Variants in DYNLT2B observed in about 807,000 individuals in gnomAD.
DYNLT2B encodes dynein light chain Tctex-type protein 2B.
Under a neutral mutation model 19.5 loss-of-function variants are expected in DYNLT2B, and 14 were observed. The observed-to-expected ratio is 0.72, with a 90% CI of 0.47 to 1.12. The LOEUF (loss-of-function observed/expected upper bound fraction) is 1.12, where lower values mean the gene tolerates loss of function less well. Among genes scored for constraint, DYNLT2B ranks in the 50% most tolerant of loss-of-function variants. DYNLT2B has a pLI of 0.00. For synonymous variants in DYNLT2B, 70 were observed against 59.7 expected, an observed-to-expected ratio of 1.17 and a Z score of -0.79; for missense variants, 133 against 174.7, an observed-to-expected ratio of 0.76 and a Z score of 1.35.
At chr3:196,315,929 T>G (rs1463529452) in intron 2 of DYNLT2B, among the ~76,000 whole-genome samples, 169 bp downstream of exon 2, 2 of 152,072 alleles carry the variant, frequency 1.3e-5, no homozygotes, top group Non-Finnish European at 2.9e-5. Flanking sequence ...GGTACTGAAC[T>G]CCAGAGCTCA....
intron 3 of DYNLT2B, among the ~76,000 whole-genome samples, chr3:196,299,067 A>C (rs887476727): frequency 2.0e-5 from 3 of 148,434 alleles, no homozygotes; most frequent in African/African-American, 7.4e-5. Flanking sequence ...ATGCACCACC[A>C]TGCCTGGCTA....
At chr3:196,316,908 T>TGTG (rs1417510774) in intron 1 of DYNLT2B, among the ~76,000 whole-genome samples, 8 of 44,568 alleles carry the variant, frequency 1.8e-4, no homozygotes, top group African/African-American at 3.2e-4. Flanking sequence ...TGTGTGTGTG[T>TGTG]TGTGTGGTGT....
rs1210723542 is a variant in DYNLT2B at position 196,291,298 on chromosome 3, T to C, written c.*29A>G. On this transcript the variant is annotated 3_prime_UTR_variant, in exon 5 of 5. Transcript: ENST00000325318. ...AAAAGTTCAGATTTCTTCATGGTCA[T>C]GTCTTTTACCAGCTTTTCAAAGATT... is the stretch of plus-strand genomic sequence containing the variant. The C allele has an allele frequency of 1.9e-6, 3 of 1,595,828 alleles. No individual in the cohort carries two copies. Among genetic ancestry groups the C allele is most frequent in the Middle Eastern group, 1.7e-4 (1 of 6,016 alleles).
intron 3 of DYNLT2B, among the ~76,000 whole-genome samples, chr3:196,302,069 T>A (rs531648629): frequency 6.6e-6 from 1 of 152,140 alleles, no homozygotes; most frequent in South Asian, 2.1e-4. Context: ...ATCACACCAC[T>A]GCACTCCAGC....
intron 1 of DYNLT2B, among the ~76,000 whole-genome samples, 185 bp from the exon 2 acceptor site, chr3:196,316,416 T>G (rs1726794677): frequency 6.6e-6 from 1 of 152,124 alleles, no homozygotes; most frequent in African/African-American, 2.4e-5. Context: ...AACCTGGACC[T>G]GCACTGAACT....
At position 196,318,137 on chromosome 3, in the gene DYNLT2B, C is replaced by T. The variant is rs372733349; in HGVS notation, c.16G>A (p.Gly6Arg). The change falls in exon 1 of 5, where the codon GGA (glycine) becomes AGA (arginine). Residue 6 changes from glycine to arginine, a missense_variant. Transcript: ENST00000325318. ...CCGTCGCCCACCGAGAAGGACACTC[C>T]GATGGACGTGGCCATGCCGGGGCTT... MATSI[G>R]VSFSVGDGVP... 1.1e-5 allele frequency: 17 copies of T among 1,543,958 alleles called. No homozygotes were observed. In the African/African-American group the frequency reaches 1.7e-4, roughly 15 times the overall value.
At chr3:196,316,033 G>C in intron 2 of DYNLT2B, 65 bp downstream of exon 2, 1 of 1,547,796 alleles carries the variant, frequency 6.5e-7, no homozygotes, top group South Asian at 1.2e-5. Flanking sequence ...AGATGGAGAG[G>C]GGGCAAATGG....
At chr3:196,309,960 AAAAGAAAAG>A (rs1726591698) in intron 2 of DYNLT2B, among the ~76,000 whole-genome samples, 1 of 149,288 alleles carries the variant, frequency 6.7e-6, no homozygotes, top group African/African-American at 2.5e-5. Flanking sequence ...AAAAAAAAAG[AAAAGAAAAG>A]AAAGAAAAAA....
intron 1 of DYNLT2B, among the ~76,000 whole-genome samples, chr3:196,316,441 C>G (rs1726795560): frequency 6.6e-6 from 1 of 152,120 alleles, no homozygotes; most frequent in Non-Finnish European, 1.5e-5. Context: ...CACATTCCAA[C>G]TCATGCTCCA....
rs1225001360 is a variant in DYNLT2B at position 196,316,090 on chromosome 3, A to G, written c.247+8T>C. On this transcript the variant is annotated splice_region_variant and intron_variant, in intron 2 of 4. Transcript: ENST00000325318. ...GAATGAGTCATTTCCAGTTATCACCATGATTACCTTTTAATTTATCTTTAA... is the reference window on the plus strand; with the variant it reads ...GAATGAGTCATTTCCAGTTATCACCGTGATTACCTTTTAATTTATCTTTAA... The G allele has an allele frequency of 3.1e-6, 5 of 1,612,612 alleles. No individual in the cohort carries two copies. Among genetic ancestry groups the G allele is most frequent in the East Asian group, 2.2e-5 (1 of 44,836 alleles).
chr3:196,296,941 T>C (rs573252907), intron 3 of DYNLT2B, among the ~76,000 whole-genome samples: 29 of 136,692 alleles, frequency 2.1e-4, no homozygotes, highest in African/African-American at 7.8e-4. Flanking sequence ...AAAAAAACAA[T>C]TCTGCACTTT....
chr3:196,298,471 G>A (rs540808256), intron 3 of DYNLT2B, among the ~76,000 whole-genome samples: 3 of 151,756 alleles, frequency 2.0e-5, no homozygotes, highest in Non-Finnish European at 2.9e-5. Context: ...GCATTACCAC[G>A]CCTGGCTAAT....
intron 2 of DYNLT2B, among the ~76,000 whole-genome samples, chr3:196,313,708 C>T (rs1400934579): frequency 6.6e-6 from 1 of 152,148 alleles, no homozygotes; most frequent in African/African-American, 2.4e-5. Flanking sequence ...ATTCTTTGTA[C>T]TTTTCTGTAT....
chr3:196,292,156 T>C (rs1014534247), intron 4 of DYNLT2B, among the ~76,000 whole-genome samples: 2 of 152,222 alleles, frequency 1.3e-5, no homozygotes, highest in Admixed American at 1.3e-4. Context: ...TTGTTCTTAA[T>C]TGATAAAATT....
chr3:196,297,059 G>A (rs530664891), intron 3 of DYNLT2B, among the ~76,000 whole-genome samples: 71 of 151,714 alleles, frequency 4.7e-4, no homozygotes, highest in African/African-American at 1.2e-3. Context: ...CAGGCGTGGC[G>A]GCAGGCACCA....
chr3:196,310,373 A>G (rs1726605026), intron 2 of DYNLT2B, among the ~76,000 whole-genome samples: 1 of 151,770 alleles, frequency 6.6e-6, no homozygotes, highest in African/African-American at 2.4e-5. Context: ...CGGCCTCCCA[A>G]AGTGCTGGGA....
At chr3:196,309,652 A>T (rs1320045943) in intron 2 of DYNLT2B, among the ~76,000 whole-genome samples, 1 of 151,976 alleles carries the variant, frequency 6.6e-6, no homozygotes, top group African/African-American at 2.4e-5. Context: ...GGAAGGAAGG[A>T]GCTGTGTAAG....
At chr3:196,315,593 C>T (rs1434889672) in intron 2 of DYNLT2B, among the ~76,000 whole-genome samples, 1 of 151,118 alleles carries the variant, frequency 6.6e-6, no homozygotes, top group East Asian at 2.1e-4. Context: ...ATGAGGTCGG[C>T]TGGGCGCGGT....
intron 2 of DYNLT2B, among the ~76,000 whole-genome samples, chr3:196,313,792 G>A (rs1287664206): frequency 6.6e-6 from 1 of 152,048 alleles, no homozygotes; most frequent in African/African-American, 2.4e-5. Context: ...AACTGCCTTT[G>A]GTTAATATTT....
Sources: allele counts gnomAD v4.1 joint callset (sites outside exome capture counted in the v4.1 genomes callset), GRCh38; gene constraint gnomAD v4.1.1; transcripts MANE v1.5; gene names NCBI Gene and HGNC (gene_info 2026-07-23, HGNC 2026-07-21).